Variants in HYKK observed in about 807,000 individuals in gnomAD.
HYKK encodes 5-hydroxy-L-lysine kinase.
HYKK carries 19 observed loss-of-function variants against 29.7 expected under a neutral mutation model. That is an observed-to-expected ratio of 0.64 (90% confidence interval 0.45 to 0.94). The LOEUF (loss-of-function observed/expected upper bound fraction) is 0.94, where lower values mean the gene tolerates loss of function less well. HYKK is among the 40% of genes least tolerant of loss of function. The pLI, the probability that HYKK is intolerant of heterozygous loss-of-function variation, is 0.00. For synonymous variants in HYKK, 152 were observed against 158.1 expected, an observed-to-expected ratio of 0.96 and a Z score of 0.29; for missense variants, 390 against 443.4, an observed-to-expected ratio of 0.88 and a Z score of 1.08.
In HYKK at chr15:78,534,302, T is replaced by G. The variant is rs374066343; in HGVS notation, c.*632T>G. Reference sequence around the variant, plus strand: ...TCTCGCTCTGTCGCCCAGGCTGGAGTGCAGTGGCACGATCTCGGCTCATTG... The same window carrying G: ...TCTCGCTCTGTCGCCCAGGCTGGAGGGCAGTGGCACGATCTCGGCTCATTG... On this transcript the variant is annotated 3_prime_UTR_variant, in exon 5 of 5. Coordinates refer to ENST00000388988, the MANE Select transcript of HYKK (RefSeq NM_001013619.4). 4 of 142,720 alleles carry G rather than the reference T, an allele frequency of 2.8e-5. No individual in the cohort carries two copies. The highest frequency in any genetic ancestry group is 6.0e-5 in the Non-Finnish European group (4 of 66,768). The allele number at this position is 142,720 out of a possible 1,614,324, so 8.8% of individuals were successfully genotyped here. A position where few individuals can be genotyped will look rare whatever the true frequency, so the allele number is the denominator to read the frequency against.
chr15:78,508,086 C>A (rs1014855611), intron 1 of HYKK, among the ~76,000 whole-genome samples: 7 of 152,206 alleles, frequency 4.6e-5, no homozygotes, highest in African/African-American at 1.7e-4. Flanking sequence ...CCCTCTGCAG[C>A]CCGCTCACCC....
intron 3 of HYKK, among the ~76,000 whole-genome samples, chr15:78,517,626 T>G (rs1392593826): frequency 2.6e-5 from 4 of 152,132 alleles, no homozygotes; most frequent in Non-Finnish European, 5.9e-5. Flanking sequence ...TTGAGCAGTT[T>G]GATTAAGGCG....
rs867019662 is a variant in HYKK, at chr15:78,536,242, A to G, written c.*2572A>G. ...CTTTCTGATGTAGACCATGCTCTTC[A>G]CTACCACAGAGTTCCATGCTACTTT... On this transcript the variant is annotated 3_prime_UTR_variant, in exon 5 of 5. Coordinates refer to ENST00000388988, the MANE Select transcript of HYKK (RefSeq NM_001013619.4). The G allele has an allele frequency of 6.6e-6, 1 of 152,132 alleles. No individual in the cohort carries two copies. Among genetic ancestry groups the G allele is most frequent in the Middle Eastern group, 3.4e-3 (1 of 294 alleles). 9.4% of individuals were successfully genotyped at this position (152,132 alleles called of 1,614,324 possible).
Position 78,527,364 on chromosome 15 carries a change from C to A in HYKK, c.478-16C>A. On this transcript the variant is annotated splice_polypyrimidine_tract_variant and intron_variant, in intron 3 of 4. Coordinates refer to ENST00000388988, the MANE Select transcript of HYKK (RefSeq NM_001013619.4). ...TGCTCTGTCAAGAGACTAAGAATAT[C>A]TCGCTTTTGATTTAGAGATTCCATC... The A allele has an allele frequency of 6.2e-7, 1 of 1,606,768 alleles. No homozygotes were observed. The highest frequency in any genetic ancestry group is 8.5e-7 in the Non-Finnish European group (1 of 1,174,754).
chr15:78,529,948 C>T (rs1368999287), intron 4 of HYKK, among the ~76,000 whole-genome samples: 1 of 151,664 alleles, frequency 6.6e-6, no homozygotes, highest in Non-Finnish European at 1.5e-5. Context: ...AGCGATCCTC[C>T]CACCTCAGAC....
At chr15:78,530,074 G>A (rs1281817650) in intron 4 of HYKK, among the ~76,000 whole-genome samples, 4 of 151,976 alleles carry the variant, frequency 2.6e-5, no homozygotes, top group South Asian at 2.1e-4. Context: ...GGGCTCAAGC[G>A]ATCCTCCCAC....
chr15:78,528,036 A>C (rs2052275891), intron 4 of HYKK: 1 of 155,972 alleles, frequency 6.4e-6, no homozygotes, highest in Non-Finnish European at 1.4e-5. Flanking sequence ...TTTTTGGTCC[A>C]TTCTCTTGTT....
At chr15:78,511,729 TA>T (rs34903924) in intron 1 of HYKK, among the ~76,000 whole-genome samples, 97,000 of 147,192 alleles carry the variant, frequency 0.66, 31,484 homozygotes, top group Admixed American at 0.74. Flanking sequence ...CTGAAAAAAA[TA>T]AAAAAAAAAA....
Position 78,528,568 on chromosome 15 carries a change from C to T in HYKK, c.661+1005C>T, listed in dbSNP as rs138830375. On this transcript the variant is annotated intron_variant, in intron 4 of 4. Coordinates refer to ENST00000388988, the MANE Select transcript of HYKK (RefSeq NM_001013619.4). ...CTGTAATCCCAGCACTTTGGGAGGC[C>T]GAGGTGGGTGGATCACTTGAGGTCA... The T allele has an allele frequency of 6.2e-4, 567 of 921,610 alleles. 6 individuals are homozygous for T. In the African/African-American group the frequency reaches 9.6e-3, roughly 16 times the overall value. 57.1% of individuals were successfully genotyped at this position (921,610 alleles called of 1,614,324 possible).
At chr15:78,530,001 G>T (rs555311481) in intron 4 of HYKK, among the ~76,000 whole-genome samples, 2 of 150,954 alleles carry the variant, frequency 1.3e-5, no homozygotes, top group South Asian at 2.1e-4. Flanking sequence ...CATGCCTGGT[G>T]AATATTTTTA....
rs532357072 is a variant in HYKK, at chr15:78,519,352, G to A, written c.477+4245G>A. Reference sequence around the variant, plus strand: ...CAAGTAAGTTTGAGCAAATTCATTTGTGGACTTTTGTTAAAATGTTCATTT... The same window carrying A: ...CAAGTAAGTTTGAGCAAATTCATTTATGGACTTTTGTTAAAATGTTCATTT... On this transcript the variant is annotated intron_variant, in intron 3 of 4. Transcript: ENST00000388988. 5.3e-5 allele frequency among the ~76,000 whole-genome samples: 8 copies of A among 152,346 alleles called. No individual in the cohort carries two copies. In the South Asian group the frequency reaches 1.7e-3, roughly 32 times the overall value.
intron 3 of HYKK, among the ~76,000 whole-genome samples, chr15:78,519,297 CAT>C (rs1296193781): frequency 6.6e-6 from 1 of 152,192 alleles, no homozygotes; most frequent in Non-Finnish European, 1.5e-5. Context: ...GGGTGGTAAA[CAT>C]ATTAAACATT....
chr15:78,532,398 G>A (rs1479655457), intron 4 of HYKK, among the ~76,000 whole-genome samples: 2 of 152,118 alleles, frequency 1.3e-5, no homozygotes, highest in African/African-American at 2.4e-5. Context: ...CACTGGCCAT[G>A]GACCCCACTT....
chr15:78,510,958 CTTTTTTTTTT>C (rs923918603), intron 1 of HYKK, among the ~76,000 whole-genome samples: 6 of 85,156 alleles, frequency 7.0e-5, no homozygotes, highest in Non-Finnish European at 9.7e-5. Context: ...TCATGAGATT[CTTTTTTTTTT>C]TTTTTTTTTT....
downstream of HYKK, chr15:78,537,340 A>T (rs954259127): frequency 2.6e-5 from 17 of 653,492 alleles, no homozygotes; most frequent in Non-Finnish European, 4.6e-5. Context: ...CCCAGTAAAG[A>T]TCTGTTGAAT....
intron 3 of HYKK, among the ~76,000 whole-genome samples, chr15:78,516,980 C>T (rs1018643778): frequency 2.0e-5 from 3 of 151,718 alleles, no homozygotes; most frequent in East Asian, 2.0e-4. Context: ...TATCGCACCA[C>T]TGCACTCCAG....
chr15:78,528,396 G>A, intron 4 of HYKK: 6 of 984,596 alleles, frequency 6.1e-6, no homozygotes, highest in Non-Finnish European at 3.6e-6. Flanking sequence ...CAAAAAGGTT[G>A]GGAACTACTG....
chr15:78,515,096 A>G lies in HYKK; in HGVS notation c.466A>G (p.Lys156Glu). The change falls in exon 3 of 5, where the codon AAG becomes GAG. Residue 156 changes from lysine (K) to glutamate (E), a missense_variant. Coordinates refer to ENST00000388988, the MANE Select transcript of HYKK (RefSeq NM_001013619.4). ...EIGKLAAKLD[K>E]TLQRFHHPKL... ...TGGAAAACTAGCTGCCAAATTGGATAAGACACTGCAGGTAAGATTTGGGGC... is the reference window on the plus strand; with the variant it reads ...TGGAAAACTAGCTGCCAAATTGGATGAGACACTGCAGGTAAGATTTGGGGC... The G allele has an allele frequency of 6.3e-7, 1 of 1,584,744 alleles. No individual in the cohort carries two copies. The highest frequency in any genetic ancestry group is 2.3e-5 in the East Asian group (1 of 43,246).
At chr15:78,514,925 T>TAA in intron 2 of HYKK, 43 bp from the exon 3 acceptor site, 1 of 806,522 alleles carries the variant, frequency 1.2e-6, no homozygotes, top group South Asian at 3.2e-5. Context: ...TATATATATA[T>TAA]ATAAATAATT....
Sources: allele counts gnomAD v4.1 joint callset (sites outside exome capture counted in the v4.1 genomes callset), GRCh38; gene constraint gnomAD v4.1.1; transcripts MANE v1.5; gene names NCBI Gene and HGNC (gene_info 2026-07-23, HGNC 2026-07-21).